The following PRKCD variants were observed in gnomAD, a reference collection of about 807,000 sequenced individuals.
PRKCD encodes protein kinase C delta type.
PRKCD carries 20 observed loss-of-function variants against 82.2 expected under a neutral mutation model. The ratio of observed to expected loss-of-function variants is 0.24; its 90% confidence interval spans 0.17 to 0.35. PRKCD has a LOEUF of 0.35. PRKCD is among the 10% of genes least tolerant of loss of function. PRKCD has a pLI of 1.00. For missense variants in PRKCD, 607 were observed against 899.0 expected, an observed-to-expected ratio of 0.68 and a Z score of 4.15; for synonymous variants, 317 against 337.0, an observed-to-expected ratio of 0.94 and a Z score of 0.65.
chr3:53,192,637 CA>C lies in PRKCD; in HGVS notation c.*386del, dbSNP rs72190282. 48 of 135,902 alleles carry C rather than the reference CA, an allele frequency of 3.5e-4. No homozygotes were observed. The highest frequency in any genetic ancestry group is 5.8e-4 in the African/African-American group (21 of 36,288). The allele number at this position is 135,902 out of a possible 1,614,324, so 8.4% of individuals were successfully genotyped here. A position where few individuals can be genotyped will look rare whatever the true frequency, so the allele number is the denominator to read the frequency against. On this transcript the variant is annotated 3_prime_UTR_variant, in exon 19 of 19. Transcript: ENST00000330452. ...CTTTTTCAAAAAAATATATATATGA[CA>C]AAAAAAAAAAAAAAGGAGCACAAGC...
chr3:53,177,249 T>A (rs138554731), intron 2 of PRKCD, among the ~76,000 whole-genome samples: 13 of 152,304 alleles, frequency 8.5e-5, no homozygotes, highest in African/African-American at 3.1e-4. Context: ...CTTGGCCTCC[T>A]GAAGTACCAA....
At chr3:53,180,612 C>T (rs1403431884) in intron 4 of PRKCD, among the ~76,000 whole-genome samples, 1 of 152,200 alleles carries the variant, frequency 6.6e-6, no homozygotes, top group Non-Finnish European at 1.5e-5. Context: ...GAGGTTAACA[C>T]AGGGCTGTAC....
intron 3 of PRKCD, among the ~76,000 whole-genome samples, chr3:53,178,767 C>T (rs78497294): frequency 0.014 from 2,145 of 152,370 alleles, 23 homozygotes; most frequent in Non-Finnish European, 0.022. Flanking sequence ...CTGGTTCCTC[C>T]TCCCTGGTTG....
chr3:53,182,116 C>G (rs58563464), intron 7 of PRKCD: 10 of 396,304 alleles, frequency 2.5e-5, no homozygotes, highest in Non-Finnish European at 5.0e-6. Context: ...TCTGAGTACA[C>G]AGGTGTGAGC....
intron 1 of PRKCD, among the ~76,000 whole-genome samples, chr3:53,163,928 T>C (rs1001735042): frequency 3.9e-5 from 6 of 152,146 alleles, no homozygotes; most frequent in African/African-American, 1.4e-4. Flanking sequence ...TGGGGGATGA[T>C]TCAGAGCTGT....
At chr3:53,175,002 C>G (rs1228096304) in intron 2 of PRKCD, among the ~76,000 whole-genome samples, 2 of 152,236 alleles carry the variant, frequency 1.3e-5, no homozygotes, top group African/African-American at 2.4e-5. Context: ...TGGGGCTTCT[C>G]TGACCCACTG....
chr3:53,173,009 G>A (rs1242192344), intron 2 of PRKCD, among the ~76,000 whole-genome samples: 2 of 152,248 alleles, frequency 1.3e-5, no homozygotes, highest in African/African-American at 4.8e-5. Flanking sequence ...ATGAGGAGAT[G>A]GGCATGTCAG....
rs1553668961 is a variant in PRKCD at position 53,186,049 on chromosome 3, C to T, written c.1086+22C>T. The stretch of plus-strand genomic sequence containing the variant: ...GAAGGTGAGGGCTGTGAGCCGGGCA[C>T]CTGCTTCCCACCCCACCCTGGCTTC... On this transcript the variant is annotated intron_variant, in intron 12 of 18. Coordinates refer to ENST00000330452, the MANE Select transcript of PRKCD (RefSeq NM_006254.4). The T allele has an allele frequency of 2.5e-6, 4 of 1,613,568 alleles. No individual in the cohort carries two copies. In the African/African-American group the frequency reaches 4.0e-5, roughly 16 times the overall value.
intron 18 of PRKCD, among the ~76,000 whole-genome samples, chr3:53,191,308 T>C (rs1466315009): frequency 6.6e-6 from 1 of 152,150 alleles, no homozygotes; most frequent in Non-Finnish European, 1.5e-5. Flanking sequence ...CTCAGGAGGC[T>C]GAGGCAGGAG....
Position 53,189,174 on chromosome 3 carries a change from C to G in PRKCD, c.1671C>G (p.Phe557Leu). ...PFHGDDEDEL[F>L]ESIRVDTPHY... is the part of the protein sequence containing the mutation. ...ATGGTGATGATGAGGATGAACTCTT[C>G]GAGTCCATCCGTGTGGACACGCCAC... The change falls in exon 17 of 19, where the codon TTC becomes TTG. Residue 557 changes from phenylalanine (F) to leucine (L), a missense_variant. By Grantham distance (22) the Phe-to-Leu change is conservative (BLOSUM62 0). Around this residue, in one of 5 missense-constraint regions of PRKCD, gnomAD observed 251 missense variants for 423.9 expected, o/e 0.59. Coordinates refer to ENST00000330452, the MANE Select transcript of PRKCD (RefSeq NM_006254.4). 1.2e-6 allele frequency: 2 copies of G among 1,614,166 alleles called. No individual in the cohort carries two copies. The highest frequency in any genetic ancestry group is 1.7e-6 in the Non-Finnish European group (2 of 1,180,032).
At chr3:53,185,785 T>C in intron 11 of PRKCD, 85 bp downstream of exon 11, 1 of 1,541,302 alleles carries the variant, frequency 6.5e-7, no homozygotes, top group South Asian at 1.1e-5. Flanking sequence ...CATTGTCAAG[T>C]GAGACATGGA....
chr3:53,188,186 T>C (rs1377232264), intron 15 of PRKCD, among the ~76,000 whole-genome samples: 5 of 1,914 alleles, frequency 2.6e-3, no homozygotes, highest in African/African-American at 3.1e-3. Flanking sequence ...AGACTGTGTC[T>C]CAAAAAAAAA....
intron 2 of PRKCD, among the ~76,000 whole-genome samples, chr3:53,166,884 G>A (rs189344272): frequency 4.6e-5 from 7 of 152,374 alleles, no homozygotes; most frequent in East Asian, 1.9e-4. Context: ...GCATGAATGC[G>A]GGGGAGAGGC....
intron 2 of PRKCD, among the ~76,000 whole-genome samples, chr3:53,170,918 G>A (rs1320770989): frequency 2.0e-5 from 3 of 151,522 alleles, no homozygotes; most frequent in Admixed American, 6.6e-5. Flanking sequence ...TGTGAGAGCC[G>A]GTGAGTGCAT....
rs1559629912 is a variant in PRKCD, at chr3:53,186,636, C to CG, written c.1300dup (p.Asp434GlyfsTer13). The CG allele has an allele frequency of 1.9e-6, 3 of 1,613,664 alleles. No homozygotes were observed. Among genetic ancestry groups the CG allele is most frequent in the African/African-American group, 2.7e-5 (2 of 74,920 alleles). On this transcript the variant is annotated frameshift_variant, in exon 14 of 19. Coordinates refer to ENST00000330452, the MANE Select transcript of PRKCD (RefSeq NM_006254.4). LOFTEE classifies it high-confidence loss of function. ...TGTTCTTTGTGATGGAGTTCCTCAACGGGGGGGACCTGATGTACCACATCC... is the reference window on the plus strand; with the variant it reads ...TGTTCTTTGTGATGGAGTTCCTCAACGGGGGGGGACCTGATGTACCACATCC...
At chr3:53,165,558 G>C (rs2107218797) in intron 2 of PRKCD, among the ~76,000 whole-genome samples, 1 of 152,360 alleles carries the variant, frequency 6.6e-6, no homozygotes, top group South Asian at 2.1e-4. Flanking sequence ...GGGTGGGTGT[G>C]TCAGCTTTTC....
rs782607698 is a variant in PRKCD, at chr3:53,186,302, C to T, written c.1222C>T (p.Pro408Ser). The change falls in exon 13 of 19, where the codon CCC becomes TCC. Residue 408 changes from proline (P) to serine (S), a missense_variant. Physicochemically the swap from Pro to Ser is moderately conservative, Grantham distance 74. Coordinates refer to ENST00000330452, the MANE Select transcript of PRKCD (RefSeq NM_006254.4). Reference protein sequence around the residue: ...KRVLTLAAENPFLTHLICTFQ... With the variant: ...KRVLTLAAENSFLTHLICTFQ... ...GGTGCTGACACTTGCCGCAGAGAAT[C>T]CCTTTCTCACCCACCTCATCTGCAC... 1.2e-6 allele frequency: 2 copies of T among 1,614,150 alleles called. No individual in the cohort carries two copies. Among genetic ancestry groups the T allele is most frequent in the Non-Finnish European group, 1.7e-6 (2 of 1,180,014 alleles).
chr3:53,189,361 T>C, intron 17 of PRKCD, 115 bp downstream of exon 17: 1 of 1,134,120 alleles, frequency 8.8e-7, no homozygotes, highest in Non-Finnish European at 1.2e-6. Context: ...TCAGTGGTGC[T>C]GCAGTCCTAA....
intron 2 of PRKCD, among the ~76,000 whole-genome samples, chr3:53,170,323 C>A (rs1414250809): frequency 6.6e-6 from 1 of 152,232 alleles, no homozygotes; most frequent in East Asian, 1.9e-4. Flanking sequence ...GGCTTTGTGG[C>A]TTTGGTTGAA....
Sources: allele counts gnomAD v4.1 joint callset (sites outside exome capture counted in the v4.1 genomes callset), GRCh38; gene constraint gnomAD v4.1.1; regional missense constraint gnomAD v4.1.1; transcripts MANE v1.5; gene names NCBI Gene and HGNC (gene_info 2026-07-23, HGNC 2026-07-21).